The following HMCN2 variants were observed in gnomAD, a reference collection of about 807,000 sequenced individuals.
HMCN2 encodes the protein hemicentin 2.
HMCN2 carries 325 observed loss-of-function variants against 377.5 expected under a neutral mutation model. The ratio of observed to expected loss-of-function variants is 0.86; its 90% confidence interval spans 0.79 to 0.94. The LOEUF is 0.94. Ranked by LOEUF, HMCN2 falls within the 40% of genes least tolerant of loss-of-function variation. HMCN2 has a pLI of 0.00. For synonymous variants in HMCN2, 2,007 were observed against 2,046.8 expected, an observed-to-expected ratio of 0.98 and a Z score of 0.53; for missense variants, 4,543 against 4,725.3, an observed-to-expected ratio of 0.96 and a Z score of 1.13.
chr9:130,351,409 GC>G lies in HMCN2; in HGVS notation c.4431-11del. ...TCGGCCTTACTGGCGCTTTTCCCTT[GC>G]CCGTCTCTCCAGGCCTGTCCTTCCG... is the stretch of plus-strand genomic sequence containing the variant. On this transcript the variant is annotated splice_polypyrimidine_tract_variant and intron_variant, in intron 29 of 97. Transcript: ENST00000683500. The surrounding 1 kb of genome is among the most constrained non-coding windows in gnomAD (Gnocchi z 5.4). The G allele has an allele frequency of 7.7e-7, 1 of 1,296,440 alleles. No individual in the cohort carries two copies. Among genetic ancestry groups the G allele is most frequent in the Non-Finnish European group, 1.0e-6 (1 of 983,174 alleles). The allele number at this position is 1,296,440 out of a possible 1,614,324, so 80.3% of individuals were successfully genotyped here. A position where few individuals can be genotyped will look rare whatever the true frequency, so the allele number is the denominator to read the frequency against.
In HMCN2 at chr9:130,353,212, AG is replaced by A; in HGVS notation, c.4864+8del. 3 of 1,302,490 alleles carry A rather than the reference AG, an allele frequency of 2.3e-6. No individual in the cohort carries two copies. The highest frequency in any genetic ancestry group is 3.0e-6 in the Non-Finnish European group (3 of 988,336). 80.7% of individuals were successfully genotyped at this position (1,302,490 alleles called of 1,614,324 possible). A position where few individuals can be genotyped will look rare whatever the true frequency, so the allele number is the denominator to read the frequency against. On this transcript the variant is annotated splice_region_variant and intron_variant, in intron 31 of 97. Transcript: ENST00000683500. Reference sequence around the variant, plus strand: ...ACCAGGCTGGATGTTTATGGTGAGCAGCCAGGGGCCACGGCAGCCGGGGTGG... The same window carrying A: ...ACCAGGCTGGATGTTTATGGTGAGCACCAGGGGCCACGGCAGCCGGGGTGG...
At chr9:130,310,918 G>C (rs1395828080) in intron 15 of HMCN2, among the ~76,000 whole-genome samples, 3 of 152,202 alleles carry the variant, frequency 2.0e-5, no homozygotes, top group Non-Finnish European at 4.4e-5. Context: ...GTGAAATCAG[G>C]CCTGTTAGCA....
In HMCN2 at chr9:130,405,941, T is replaced by G; in HGVS notation, c.12340-14T>G. ...TGGGGCAGTTCTCCGGCCAACCCCT[T>G]TCTTTGCTCACAGGGCCAGGACGCA... On this transcript the variant is annotated splice_polypyrimidine_tract_variant and intron_variant, in intron 81 of 97. Coordinates refer to ENST00000683500, the MANE Select transcript of HMCN2 (RefSeq NM_001291815.2). 1 of 1,279,564 alleles carries G rather than the reference T, an allele frequency of 7.8e-7. No individual in the cohort carries two copies. Among genetic ancestry groups the G allele is most frequent in the South Asian group, 1.2e-5 (1 of 80,586 alleles). 79.3% of individuals were successfully genotyped at this position (1,279,564 alleles called of 1,614,324 possible). A position where few individuals can be genotyped will look rare whatever the true frequency, so the allele number is the denominator to read the frequency against.
At chr9:130,384,834 C>T (rs1841929891) in intron 59 of HMCN2, 36 bp downstream of exon 59, 1 of 1,235,196 alleles carries the variant, frequency 8.1e-7, no homozygotes, top group African/African-American at 1.6e-5. Flanking sequence ...GTACTGTCCC[C>T]ACTCCTTCAG....
At chr9:130,420,065 C>CTTTTTTTTT (rs10586199) in intron 86 of HMCN2, among the ~76,000 whole-genome samples, 4 of 77,034 alleles carry the variant, frequency 5.2e-5, no homozygotes, top group East Asian at 8.3e-4. Context: ...CGTCCCACTT[C>CTTTTTTTTT]TTTTTTTTTT....
chr9:130,357,974 G>C lies in HMCN2; in HGVS notation c.5566G>C (p.Gly1856Arg). 1 of 1,303,990 alleles carries C rather than the reference G, an allele frequency of 7.7e-7. No homozygotes were observed. Among genetic ancestry groups the C allele is most frequent in the African/African-American group, 1.5e-5 (1 of 65,976 alleles). 80.8% of individuals were successfully genotyped at this position (1,303,990 alleles called of 1,614,324 possible). ...WKDGVALAAF[G>R]GNLQIEKVDL... is the part of the protein sequence containing the mutation. ...GGATGGTGTAGCCCTGGCAGCCTTT[G>C]GGGGGAACCTACAGGTATGTGCAGG... The change falls in exon 35 of 98, where the codon GGG becomes CGG. Residue 1856 changes from glycine to arginine, a missense_variant. Gly to Arg is a moderately radical substitution (Grantham distance 125). Transcript: ENST00000683500.
chr9:130,427,467 C>T (rs768217699), intron 91 of HMCN2, 30 bp from the exon 92 acceptor site: 190 of 1,550,050 alleles, frequency 1.2e-4, no homozygotes, highest in Middle Eastern at 3.3e-4. Flanking sequence ...GGCCTGGGAG[C>T]GGAGACCACC....
rs972374502 is a variant in HMCN2, at chr9:130,395,986, G to A, written c.10974G>A (p.Thr3658=). Residue 3658 remains threonine (T), a synonymous_variant, in exon 72 of 98, where the codon ACG becomes ACA. Transcript: ENST00000683500. ...TCCTCCAGCTGCAGGCCCTGAGCAC[G>A]GCTGACAGCGGCGACTACAGCTGCA... The part of the protein sequence containing the change: ...GRFLQLQALS[T]ADSGDYSCTA... 22 of 1,287,598 alleles carry A rather than the reference G, an allele frequency of 1.7e-5. No homozygotes were observed. Among genetic ancestry groups the A allele is most frequent in the East Asian group, 5.5e-5 (1 of 18,022 alleles). The allele number at this position is 1,287,598 out of a possible 1,614,324, so 79.8% of individuals were successfully genotyped here.
chr9:130,353,717 C>A (rs779244509), intron 31 of HMCN2, among the ~76,000 whole-genome samples: 12 of 152,188 alleles, frequency 7.9e-5, no homozygotes, highest in Non-Finnish European at 1.2e-4. Context: ...CCGGTCCTTA[C>A]GCGGGCAGAT....
chr9:130,348,622 G>A lies in HMCN2; in HGVS notation c.4102G>A (p.Asp1368Asn), dbSNP rs1318937389. 1.5e-6 allele frequency: 2 copies of A among 1,303,562 alleles called. No individual in the cohort carries two copies. The highest frequency in any genetic ancestry group is 3.0e-5 in the African/African-American group (2 of 65,798). The allele number at this position is 1,303,562 out of a possible 1,614,324, so 80.7% of individuals were successfully genotyped here. Residue 1368 changes from aspartate (D) to asparagine (N), a missense_variant, in exon 27 of 98, where the codon GAC (aspartate) becomes AAC (asparagine). By Grantham distance (23) the Asp-to-Asn change is conservative (BLOSUM62 1). This residue lies in a region of HMCN2 where 1,032 missense variants were observed against 1,285.1 expected (regional missense o/e 0.80). Coordinates refer to ENST00000683500, the MANE Select transcript of HMCN2 (RefSeq NM_001291815.2). ...CGGGCAGTCCCTGACGCTGGAGTGT[G>A]ACGCGAACGGCTTTCCAGTCCCTGA... The part of the protein sequence containing the change: ...MAGQSLTLEC[D>N]ANGFPVPEIV...
At chr9:130,332,052 G>A (rs1252620747) in intron 22 of HMCN2, among the ~76,000 whole-genome samples, 1 of 152,166 alleles carries the variant, frequency 6.6e-6, no homozygotes, top group Non-Finnish European at 1.5e-5. Context: ...GAGGCCTGCA[G>A]CTGGGATCTG....
At chr9:130,294,728 G>A (rs1836018036) in intron 4 of HMCN2, 127 bp from the exon 5 acceptor site, 1 of 332,190 alleles carries the variant, frequency 3.0e-6, no homozygotes, top group Non-Finnish European at 6.1e-6. Flanking sequence ...AATTGGGCCT[G>A]GTGTTGGACA....
At position 130,385,676 on chromosome 9, in the gene HMCN2, T is replaced by C. The variant is rs1293790530; in HGVS notation, c.9223T>C (p.Trp3075Arg). 5.4e-6 allele frequency: 7 copies of C among 1,304,014 alleles called. No homozygotes were observed. The East Asian group carries it at 3.9e-4, about 72-fold the overall frequency. 80.8% of individuals were successfully genotyped at this position (1,304,014 alleles called of 1,614,324 possible). ...TGCGCTCCCTGAGCCAACTGTGACC[T>C]GGTACAAGGATGGGCAGCCCCTGGT... ...TDALPEPTVT[W>R]YKDGQPLVLA... The change falls in exon 60 of 98, where the codon TGG becomes CGG. Residue 3075 changes from tryptophan (W) to arginine (R), a missense_variant. Physicochemically the swap from Trp to Arg is moderately radical, Grantham distance 101. Around this residue, in one of 5 missense-constraint regions of HMCN2, gnomAD observed 736 missense variants for 773.2 expected, o/e 0.95. Coordinates refer to ENST00000683500, the MANE Select transcript of HMCN2 (RefSeq NM_001291815.2).
chr9:130,334,255 G>C (rs1838587965), intron 22 of HMCN2, among the ~76,000 whole-genome samples: 1 of 152,178 alleles, frequency 6.6e-6, no homozygotes, highest in Non-Finnish European at 1.5e-5. Flanking sequence ...GGTCTGCGTA[G>C]GTCCACACAG....
At chr9:130,324,964 C>T (rs940982645) in intron 19 of HMCN2, among the ~76,000 whole-genome samples, 2 of 141,712 alleles carry the variant, frequency 1.4e-5, no homozygotes, top group South Asian at 5.1e-4. Flanking sequence ...AATGCAGTGA[C>T]CCATCACTGC....
chr9:130,297,641 A>G (rs1836243986), intron 7 of HMCN2, among the ~76,000 whole-genome samples: 1 of 152,170 alleles, frequency 6.6e-6, no homozygotes, highest in African/African-American at 2.4e-5. Flanking sequence ...TGCAAGCCAG[A>G]CCTTTAGTGC....
At chr9:130,398,153 C>CAAAAAAAAAAAA (rs397940740) in intron 74 of HMCN2, among the ~76,000 whole-genome samples, 2 of 33,936 alleles carry the variant, frequency 5.9e-5, no homozygotes, top group African/African-American at 1.1e-4. Context: ...ACTCCGTCTA[C>CAAAAAAAAAAAA]AAAAAAAAAA....
chr9:130,277,542 T>C (rs2131241662), intron 1 of HMCN2, among the ~76,000 whole-genome samples: 1 of 152,294 alleles, frequency 6.6e-6, no homozygotes, highest in Middle Eastern at 3.4e-3. Context: ...CAAGCCTCCA[T>C]TTTCTCATCT....
chr9:130,277,767 C>T (rs912806890), intron 1 of HMCN2, among the ~76,000 whole-genome samples: 12 of 134,802 alleles, frequency 8.9e-5, no homozygotes, highest in African/African-American at 3.4e-4. Flanking sequence ...TCATCATCAC[C>T]ACCACCATCA....
Sources: allele counts gnomAD v4.1 joint callset (sites outside exome capture counted in the v4.1 genomes callset), GRCh38; gene constraint gnomAD v4.1.1; regional missense constraint gnomAD v4.1.1; non-coding constraint Gnocchi (gnomAD v3.1); transcripts MANE v1.5; gene names NCBI Gene and HGNC (gene_info 2026-07-23, HGNC 2026-07-21).